Variants in ITGB8 observed in about 807,000 individuals in gnomAD.
ITGB8 encodes the protein integrin subunit beta 8, also known as integrin beta-8.
Under a neutral mutation model 89.5 loss-of-function variants are expected in ITGB8, and 30 were observed. That is an observed-to-expected ratio of 0.34 (90% CI 0.25 to 0.45). The LOEUF (loss-of-function observed/expected upper bound fraction) is 0.45, where lower values mean the gene tolerates loss of function less well. Among genes scored for constraint, ITGB8 ranks in the 20% least tolerant of loss-of-function variants. The pLI is 1.00. For missense variants in ITGB8, 836 were observed against 933.3 expected, an observed-to-expected ratio of 0.90 and a Z score of 1.36; for synonymous variants, 335 against 320.4, an observed-to-expected ratio of 1.05 and a Z score of -0.49.
chr7:20,403,481 G>A (rs1438637119), intron 10 of ITGB8, among the ~76,000 whole-genome samples: 1 of 152,208 alleles, frequency 6.6e-6, no homozygotes, highest in Non-Finnish European at 1.5e-5. Context: ...TTCTGTGTAA[G>A]TGCAGACTGT....
At chr7:20,382,867 G>T (rs369741121) in intron 6 of ITGB8, among the ~76,000 whole-genome samples, 115 of 152,254 alleles carry the variant, frequency 7.6e-4, no homozygotes, top group African/African-American at 2.6e-3. Flanking sequence ...CTTCCGTGTT[G>T]ATTTTCAAGT....
intron 1 of ITGB8, among the ~76,000 whole-genome samples, chr7:20,344,452 C>T (rs922873531): frequency 6.6e-6 from 1 of 152,150 alleles, no homozygotes; most frequent in Non-Finnish European, 1.5e-5. Context: ...GGCTGTGTCT[C>T]CAATAGTACA....
At chr7:20,349,053 CGAT>C (rs1198774286) in intron 1 of ITGB8, among the ~76,000 whole-genome samples, 3 of 151,798 alleles carry the variant, frequency 2.0e-5, no homozygotes, top group Non-Finnish European at 4.4e-5. Flanking sequence ...AAATTTCTAC[CGAT>C]GATATTAAAC....
intron 1 of ITGB8, among the ~76,000 whole-genome samples, chr7:20,349,033 A>G (rs1785022702): frequency 6.6e-6 from 1 of 152,204 alleles, no homozygotes; most frequent in African/African-American, 2.4e-5. Context: ...CTACTGTGAT[A>G]TATTTTTTCA....
At chr7:20,405,982 C>CTTT in intron 11 of ITGB8, 80 bp from the exon 12 acceptor site, 1 of 828,192 alleles carries the variant, frequency 1.2e-6, no homozygotes, top group Non-Finnish European at 2.0e-6. Context: ...GTTATTTTGT[C>CTTT]TTTTTTTTTC....
chr7:20,399,251 A>G (rs1447894226), intron 9 of ITGB8, among the ~76,000 whole-genome samples: 1 of 152,200 alleles, frequency 6.6e-6, no homozygotes, highest in East Asian at 1.9e-4. Flanking sequence ...TCATGTATCA[A>G]TAGTAACTTT....
upstream of ITGB8, among the ~76,000 whole-genome samples, chr7:20,330,050 C>A (rs1004465466): frequency 2.6e-5 from 4 of 152,194 alleles, no homozygotes; most frequent in African/African-American, 9.6e-5. Flanking sequence ...GTTCCGTTTA[C>A]TGGGAAGGTG....
At chr7:20,372,489 T>C (rs1008043587) in intron 3 of ITGB8, among the ~76,000 whole-genome samples, 1 of 152,144 alleles carries the variant, frequency 6.6e-6, no homozygotes, top group East Asian at 1.9e-4. Flanking sequence ...GAAATCTGTA[T>C]GAATGAAGTG....
intron 1 of ITGB8, among the ~76,000 whole-genome samples, chr7:20,339,325 C>A (rs948071308): frequency 6.6e-6 from 1 of 151,910 alleles, no homozygotes; most frequent in Admixed American, 6.6e-5. Context: ...AAAAGCAGTG[C>A]CATACTATAT....
At chr7:20,377,265 C>T (rs371546226) in intron 3 of ITGB8, 3 of 152,276 alleles carry the variant, frequency 2.0e-5, no homozygotes, top group East Asian at 1.9e-4. Flanking sequence ...TAAACTGCAA[C>T]GATTCACCAA....
chr7:20,404,910 G>C (rs73088494), intron 11 of ITGB8, 57 bp downstream of exon 11: 17 of 1,448,988 alleles, frequency 1.2e-5, no homozygotes, highest in Non-Finnish European at 1.6e-5. Flanking sequence ...GTCCTTTTTC[G>C]TTCTGACTTC....
At chr7:20,396,086 G>C (rs1787061681) in intron 8 of ITGB8, among the ~76,000 whole-genome samples, 1 of 152,172 alleles carries the variant, frequency 6.6e-6, no homozygotes, top group Non-Finnish European at 1.5e-5. Flanking sequence ...TCTCCAGACA[G>C]CACCTTCCTT....
rs920925959 is a variant in ITGB8 at position 20,359,720 on chromosome 7, A to G, written c.128-3917A>G. On this transcript the variant is annotated intron_variant, in intron 1 of 13. Transcript: ENST00000222573. ...GAGAGAGAAGAAATTCCTAGCACAC[A>G]CTGACTAATAGCATTCAGTATACTT... Among the ~76,000 whole-genome samples, 4 of 152,050 alleles carry G rather than the reference A, an allele frequency of 2.6e-5. No individual in the cohort carries two copies. In the East Asian group the frequency reaches 7.7e-4, roughly 29 times the overall value.
chr7:20,340,495 G>GGAATC (rs1784721542), intron 1 of ITGB8, among the ~76,000 whole-genome samples: 2 of 152,204 alleles, frequency 1.3e-5, no homozygotes. Context: ...GTGGATTTGG[G>GGAATC]CCAGGAATGT....
At chr7:20,368,714 T>A (rs1013221643) in intron 3 of ITGB8, among the ~76,000 whole-genome samples, 1 of 152,222 alleles carries the variant, frequency 6.6e-6, no homozygotes, top group African/African-American at 2.4e-5. Context: ...TGCATTTTAT[T>A]TATTTATTTT....
chr7:20,376,353 A>G (rs936011264), intron 3 of ITGB8, among the ~76,000 whole-genome samples: 3 of 152,076 alleles, frequency 2.0e-5, no homozygotes, highest in African/African-American at 7.2e-5. Context: ...CATGTTTTGT[A>G]CCCTATTCCA....
At chr7:20,339,140 C>T (rs906818008) in intron 1 of ITGB8, among the ~76,000 whole-genome samples, 4 of 150,460 alleles carry the variant, frequency 2.7e-5, no homozygotes, top group Non-Finnish European at 5.9e-5. Context: ...TGCAGTGAGC[C>T]GAGATCGTGC....
rs763978749 is a variant in ITGB8 at position 20,331,508 on chromosome 7, T to C, written c.-299T>C. The C allele has an allele frequency of 1.9e-4, 83 of 428,896 alleles. No individual in the cohort carries two copies. The highest frequency in any genetic ancestry group is 2.7e-4 in the Non-Finnish European group (67 of 246,658). 26.6% of individuals were successfully genotyped at this position (428,896 alleles called of 1,614,324 possible). On this transcript the variant is annotated 5_prime_UTR_variant, in exon 1 of 14. Transcript: ENST00000222573. ...TGTCCCGGAGCAGGCTGCGGAGCCC[T>C]TGCAGAGCCCTCTCTCCAGTCGCCG...
chr7:20,334,672 G>C (rs2128124421), intron 1 of ITGB8, among the ~76,000 whole-genome samples: 1 of 152,160 alleles, frequency 6.6e-6, no homozygotes, highest in African/African-American at 2.4e-5. Flanking sequence ...AAGAACCAAG[G>C]TATCATTAAC....
Sources: allele counts gnomAD v4.1 joint callset (sites outside exome capture counted in the v4.1 genomes callset), GRCh38; gene constraint gnomAD v4.1.1; transcripts MANE v1.5; gene names NCBI Gene and HGNC (gene_info 2026-07-23, HGNC 2026-07-21).